GSK3B: variants seen among roughly 807,000 people sequenced by gnomAD.
GSK3B encodes glycogen synthase kinase-3 beta.
GSK3B carries 15 observed loss-of-function variants against 56.4 expected under a neutral mutation model. The ratio of observed to expected loss-of-function variants is 0.27; its 90% CI spans 0.18 to 0.41. The LOEUF is 0.41. GSK3B is among the 10% of genes least tolerant of loss of function. The pLI, the probability that GSK3B is intolerant of heterozygous loss-of-function variation, is 1.00. For synonymous variants in GSK3B, 181 were observed against 188.9 expected (o/e 0.96, Z 0.34); for missense variants, 300 against 513.4 (o/e 0.58, Z 4.02).
chr3:119,876,561 T>C (rs373688856), intron 7 of GSK3B, 53 bp from the exon 8 acceptor site: 169 of 999,744 alleles, frequency 1.7e-4, no homozygotes, highest in Non-Finnish European at 2.5e-4. Flanking sequence ...ACAAATTTAG[T>C]CTCCATGTTT....
intron 2 of GSK3B, among the ~76,000 whole-genome samples, chr3:119,974,659 G>A (rs145641149): frequency 2.0e-5 from 3 of 152,256 alleles, no homozygotes; most frequent in African/African-American, 7.2e-5. Context: ...AATGGACTAA[G>A]ACAAGACCTG....
chr3:119,937,250 G>A (rs1039881022), intron 3 of GSK3B, among the ~76,000 whole-genome samples: 2 of 152,044 alleles, frequency 1.3e-5, no homozygotes, highest in Non-Finnish European at 2.9e-5. Context: ...CTAATGGAAG[G>A]TATTTGGACC....
intron 1 of GSK3B, among the ~76,000 whole-genome samples, chr3:120,038,518 T>C (rs916797843): frequency 6.6e-6 from 1 of 152,042 alleles, no homozygotes; most frequent in African/African-American, 2.4e-5. Flanking sequence ...AGAGTGAGAC[T>C]CTGTCTCAAA....
intron 8 of GSK3B, among the ~76,000 whole-genome samples, chr3:119,865,977 T>C (rs1249468260): frequency 1.3e-5 from 2 of 152,172 alleles, no homozygotes; most frequent in Non-Finnish European, 2.9e-5. Context: ...ACAAAAACTA[T>C]ACACTGTCAT....
chr3:120,050,992 A>G (rs1241764204), intron 1 of GSK3B, among the ~76,000 whole-genome samples: 1 of 152,164 alleles, frequency 6.6e-6, no homozygotes, highest in African/African-American at 2.4e-5. Context: ...GAGGCAGAAA[A>G]GCAGTTTGAG....
At chr3:119,924,895 A>C (rs1281189405) in intron 3 of GSK3B, among the ~76,000 whole-genome samples, 2 of 152,256 alleles carry the variant, frequency 1.3e-5, no homozygotes, top group Admixed American at 6.5e-5. Flanking sequence ...AAAATATCTA[A>C]GAAAAAGCTT....
chr3:119,986,890 T>G (rs889529745), intron 2 of GSK3B, among the ~76,000 whole-genome samples: 2 of 152,210 alleles, frequency 1.3e-5, no homozygotes, highest in Non-Finnish European at 2.9e-5. Context: ...ACACGTTTGT[T>G]TATTGTGGCA....
intron 9 of GSK3B, among the ~76,000 whole-genome samples, chr3:119,847,951 C>T (rs894746518): frequency 6.6e-6 from 1 of 151,838 alleles, no homozygotes; most frequent in Non-Finnish European, 1.5e-5. Flanking sequence ...CTTATCTAGA[C>T]ACTAGTGGAA....
chr3:119,823,037 A>C lies in GSK3B; in HGVS notation c.*3751T>G, dbSNP rs1468959519. The C allele has an allele frequency of 4.4e-6, 1 of 229,878 alleles. No homozygotes were observed. The highest frequency in any genetic ancestry group is 5.7e-5 in the Admixed American group (1 of 17,694). The allele number at this position is 229,878 out of a possible 1,614,324, so 14.2% of individuals were successfully genotyped here. A position where few individuals can be genotyped will look rare whatever the true frequency, so the allele number is the denominator to read the frequency against. On this transcript the variant is annotated 3_prime_UTR_variant, in exon 11 of 11. Transcript: ENST00000264235. ...ACATAAACCAAAAATGTGTCTAAAA[A>C]TTAAGAGGACTTAAAAAAAATGACA...
At chr3:120,018,118 T>C (rs531923588) in intron 1 of GSK3B, among the ~76,000 whole-genome samples, 2 of 152,246 alleles carry the variant, frequency 1.3e-5, no homozygotes, top group South Asian at 2.1e-4. Context: ...AAAGCACAGT[T>C]AGACCCATTA....
intron 7 of GSK3B, among the ~76,000 whole-genome samples, chr3:119,886,823 T>C (rs974797649): frequency 2.0e-5 from 3 of 151,966 alleles, no homozygotes; most frequent in African/African-American, 7.2e-5. Flanking sequence ...CACTGGGTAA[T>C]CATGGACATA....
At chr3:119,862,102 T>A (rs572657766) in intron 9 of GSK3B, among the ~76,000 whole-genome samples, 409 of 151,318 alleles carry the variant, frequency 2.7e-3, no homozygotes, top group African/African-American at 8.6e-3. Context: ...TTTTTTTTTT[T>A]AAAAGAAACT....
chr3:120,009,088 C>T (rs1006492985), intron 1 of GSK3B, among the ~76,000 whole-genome samples: 1 of 152,156 alleles, frequency 6.6e-6, no homozygotes, highest in African/African-American at 2.4e-5. Context: ...AAAAAATGCT[C>T]ATCGTCACTG....
chr3:120,043,237 G>C (rs1350412780), intron 1 of GSK3B, among the ~76,000 whole-genome samples: 1 of 152,054 alleles, frequency 6.6e-6, no homozygotes, highest in Non-Finnish European at 1.5e-5. Context: ...CATCACACCC[G>C]AGTCAAGAAA....
chr3:119,851,326 T>C (rs1253484252), intron 9 of GSK3B, among the ~76,000 whole-genome samples: 2 of 152,216 alleles, frequency 1.3e-5, no homozygotes, highest in African/African-American at 4.8e-5. Context: ...TAAAGCAGTC[T>C]TTTCCAATGG....
At chr3:119,854,846 T>G (rs1307433049) in intron 9 of GSK3B, among the ~76,000 whole-genome samples, 4 of 152,162 alleles carry the variant, frequency 2.6e-5, no homozygotes, top group Non-Finnish European at 5.9e-5. Flanking sequence ...GTCTATCAAT[T>G]TTGTTGATCT....
At chr3:119,937,943 C>G (rs1217033036) in intron 3 of GSK3B, among the ~76,000 whole-genome samples, 1 of 150,652 alleles carries the variant, frequency 6.6e-6, no homozygotes, top group African/African-American at 2.5e-5. Context: ...GGGGCCATTA[C>G]TACTAACCTC....
intron 5 of GSK3B, among the ~76,000 whole-genome samples, chr3:119,913,429 T>C (rs148764048): frequency 1.5e-3 from 232 of 152,216 alleles, no homozygotes; most frequent in Middle Eastern, 3.4e-3. Context: ...ATAGTAAGTA[T>C]AATTGCATGT....
At chr3:120,055,594 G>A (rs2058185765) in intron 1 of GSK3B, among the ~76,000 whole-genome samples, 1 of 152,174 alleles carries the variant, frequency 6.6e-6, no homozygotes, top group African/African-American at 2.4e-5. Context: ...TTAGAGTGAG[G>A]AGGGGAGAAC....
Sources: gnomAD v4.1 joint callset for allele counts (sites outside exome capture counted in the v4.1 genomes callset) on GRCh38, gnomAD v4.1.1 for gene constraint, MANE v1.5 for transcripts, NCBI Gene and HGNC (gene_info 2026-07-23, HGNC 2026-07-21) for gene names.